Variants in PEAK1 observed in about 807,000 individuals in gnomAD.
The protein encoded by PEAK1 is pseudopodium enriched atypical kinase 1.
A neutral mutation model predicts 124.7 loss-of-function variants in PEAK1; 54 were observed. The observed-to-expected ratio is 0.43, with a 90% CI of 0.35 to 0.54. The LOEUF is 0.54. Among genes scored for constraint, PEAK1 ranks in the 20% least tolerant of loss-of-function variants. PEAK1 has a pLI of 0.01. For synonymous variants in PEAK1, 719 were observed against 760.0 expected (o/e 0.95, Z 0.89); for missense variants, 2,046 against 2,134.5 (o/e 0.96, Z 0.82).
At chr15:77,374,939 C>A (rs975912629) in intron 1 of PEAK1, among the ~76,000 whole-genome samples, 1 of 152,000 alleles carries the variant, frequency 6.6e-6, no homozygotes, top group African/African-American at 2.4e-5. Flanking sequence ...TAAGAAAAAC[C>A]ATTCTGATTT....
chr15:77,132,938 G>T, intron 9 of PEAK1, 67 bp downstream of exon 9: 1 of 1,457,164 alleles, frequency 6.9e-7, no homozygotes, highest in Non-Finnish European at 9.3e-7. Context: ...GAGAAAAGCA[G>T]AATGAATCCA....
At position 77,112,726 on chromosome 15, in the gene PEAK1, C is replaced by T. The variant is rs1032249646; in HGVS notation, c.*1430G>A. On this transcript the variant is annotated 3_prime_UTR_variant, in exon 10 of 10. Coordinates refer to ENST00000682557, the MANE Select transcript of PEAK1 (RefSeq NM_001385026.1). ...ACACAACCCCAGTGGAAGGAACGCT[C>T]ATCTCTTAGCGCAAATATGTGCCAA... The T allele has an allele frequency of 6.6e-6, 1 of 152,242 alleles. No homozygotes were observed. Among genetic ancestry groups the T allele is most frequent in the Non-Finnish European group, 1.5e-5 (1 of 68,430 alleles). The allele number at this position is 152,242 out of a possible 1,614,324, so 9.4% of individuals were successfully genotyped here. A position where few individuals can be genotyped will look rare whatever the true frequency, so the allele number is the denominator to read the frequency against.
intron 1 of PEAK1, among the ~76,000 whole-genome samples, chr15:77,406,399 A>G (rs1595866382): frequency 6.6e-6 from 1 of 152,330 alleles, no homozygotes; most frequent in East Asian, 1.9e-4. Flanking sequence ...TCATCCAAAA[A>G]GCTCCTAGGT....
intron 9 of PEAK1, among the ~76,000 whole-genome samples, chr15:77,119,629 C>A (rs546198820): frequency 1.3e-5 from 2 of 152,276 alleles, no homozygotes; most frequent in African/African-American, 4.8e-5. Context: ...CTCCTGAGAC[C>A]TTCTCAGACT....
At chr15:77,153,641 T>C (rs2054858226) in intron 8 of PEAK1, among the ~76,000 whole-genome samples, 1 of 152,228 alleles carries the variant, frequency 6.6e-6, no homozygotes. Flanking sequence ...AATTTCCCTC[T>C]ATGCACTGCT....
intron 1 of PEAK1, among the ~76,000 whole-genome samples, chr15:77,385,201 G>A (rs2069824325): frequency 6.6e-6 from 1 of 152,016 alleles, no homozygotes; most frequent in Non-Finnish European, 1.5e-5. Context: ...ACCATCATAA[G>A]GAAGTTGAGT....
intron 1 of PEAK1, among the ~76,000 whole-genome samples, chr15:77,415,999 C>T (rs543344398): frequency 6.6e-6 from 1 of 152,346 alleles, no homozygotes; most frequent in East Asian, 1.9e-4. Flanking sequence ...ATTAGCTACA[C>T]TTACAGTTGT....
chr15:77,332,724 A>G (rs2065967075), intron 2 of PEAK1, among the ~76,000 whole-genome samples: 1 of 152,150 alleles, frequency 6.6e-6, no homozygotes, highest in Admixed American at 6.5e-5. Flanking sequence ...AGCTTTACCA[A>G]TCTGGTAGAT....
At chr15:77,222,296 T>G (rs913034096) in intron 6 of PEAK1, among the ~76,000 whole-genome samples, 39 of 152,034 alleles carry the variant, frequency 2.6e-4, no homozygotes, top group Admixed American at 2.5e-3. Context: ...ACAAATGAAA[T>G]GCCTCACACT....
chr15:77,244,276 AGAC>A (rs2060482436), intron 6 of PEAK1, among the ~76,000 whole-genome samples: 1 of 152,242 alleles, frequency 6.6e-6, no homozygotes, highest in Admixed American at 6.5e-5. Flanking sequence ...CTATTATTTG[AGAC>A]TGAGGTAATT....
downstream of PEAK1, chr15:77,107,017 A>C (rs1460259670): frequency 2.0e-5 from 3 of 152,256 alleles, no homozygotes; most frequent in East Asian, 5.8e-4. Context: ...ATCAGTTGTT[A>C]TGGAGTCCTG....
At chr15:77,418,516 T>C in intron 1 of PEAK1, 1 of 985,126 alleles carries the variant, frequency 1.0e-6, no homozygotes, top group Non-Finnish European at 1.2e-6. Context: ...ACTTCCATTG[T>C]TCATCTCTGG....
Position 77,253,010 on chromosome 15 carries a change from C to T in PEAK1, c.-274-484G>A, listed in dbSNP as rs189112450. 3.8e-4 allele frequency among the ~76,000 whole-genome samples: 58 copies of T among 152,160 alleles called. No individual in the cohort carries two copies. The East Asian group carries it at 0.01, about 27-fold the overall frequency. ...TAGGCTCAAGTATGATTTTTAATTT[C>T]GTTTTTAAAAATATCACCCAAAATT... On this transcript the variant is annotated intron_variant, in intron 5 of 9. Transcript: ENST00000682557.
intron 7 of PEAK1, among the ~76,000 whole-genome samples, chr15:77,176,111 G>A (rs1199326679): frequency 6.6e-6 from 1 of 151,794 alleles, no homozygotes; most frequent in South Asian, 2.1e-4. Context: ...GTGGGGTGGG[G>A]GGAGAGGGGA....
At position 77,179,036 on chromosome 15, in the gene PEAK1, G is replaced by A; in HGVS notation, c.2891C>T (p.Pro964Leu). The change falls in exon 7 of 10, where the codon CCT (proline) becomes CTT (leucine). Residue 964 changes from proline to leucine, a missense_variant. Coordinates refer to ENST00000682557, the MANE Select transcript of PEAK1 (RefSeq NM_001385026.1). The stretch of plus-strand genomic sequence containing the variant: ...GTGATGGCGCTGAACTGGAGGAGGA[G>A]GCAGCATGTGAATGACTGTGCCATC... ...GLDGTVIHML[P>L]PPPVQRHHWF... 1 of 1,614,152 alleles carries A rather than the reference G, an allele frequency of 6.2e-7. No individual in the cohort carries two copies. Among genetic ancestry groups the A allele is most frequent in the Non-Finnish European group, 8.5e-7 (1 of 1,180,030 alleles).
downstream of PEAK1, chr15:77,105,363 C>CGCGCGCGT (rs552069288): frequency 6.6e-6 from 1 of 151,402 alleles, no homozygotes; most frequent in African/African-American, 2.5e-5. Flanking sequence ...TGTGTGCGCG[C>CGCGCGCGT]GTGCGCGCAC....
At chr15:77,334,556 T>G in intron 2 of PEAK1, 1 of 985,430 alleles carries the variant, frequency 1.0e-6, no homozygotes, top group Non-Finnish European at 1.2e-6. Context: ...TGGTTCTCTA[T>G]ACCTCCATCA....
downstream of PEAK1, chr15:77,105,015 CA>C (rs1320523895): frequency 6.6e-6 from 1 of 152,222 alleles, no homozygotes. Flanking sequence ...TTTATCCCTC[CA>C]CATTCTCTTT....
At chr15:77,279,842 GA>G (rs939185229) in intron 5 of PEAK1, among the ~76,000 whole-genome samples, 2 of 151,804 alleles carry the variant, frequency 1.3e-5, no homozygotes, top group Non-Finnish European at 2.9e-5. Flanking sequence ...GTTTAGCTAG[GA>G]AAAAAAATTC....
Sources: gnomAD v4.1 joint callset for allele counts (sites outside exome capture counted in the v4.1 genomes callset) on GRCh38, gnomAD v4.1.1 for gene constraint, MANE v1.5 for transcripts, NCBI Gene and HGNC (gene_info 2026-07-23, HGNC 2026-07-21) for gene names.